Variants in TNN observed in about 807,000 individuals in gnomAD.
TNN encodes tenascin-N.
Under a neutral mutation model 134.4 loss-of-function variants are expected in TNN, and 122 were observed. That is an observed-to-expected ratio of 0.91 (90% CI 0.78 to 1.06). TNN has a LOEUF of 1.06. Ranked by LOEUF, TNN falls within the 50% of genes least tolerant of loss-of-function variation. TNN has a pLI of 0.00. For synonymous variants in TNN, 710 were observed against 670.3 expected (o/e 1.06, Z -0.91); for missense variants, 1,739 against 1,699.4 (o/e 1.02, Z -0.41).
intron 17 of TNN, among the ~76,000 whole-genome samples, chr1:175,140,543 G>A (rs569646829): frequency 6.6e-6 from 1 of 152,308 alleles, no homozygotes; most frequent in African/African-American, 2.4e-5. Flanking sequence ...ATGAACTGAT[G>A]CCAATGGGAA....
At chr1:175,078,581 C>T (rs1008844605) in intron 2 of TNN, among the ~76,000 whole-genome samples, 37 of 152,236 alleles carry the variant, frequency 2.4e-4, no homozygotes, top group African/African-American at 8.4e-4. Flanking sequence ...ATACAGAACT[C>T]GGCACCAGGG....
intron 16 of TNN, 22 bp downstream of exon 16, chr1:175,135,963 G>A (rs762299752): frequency 5.8e-6 from 9 of 1,564,218 alleles, no homozygotes; most frequent in African/African-American, 4.1e-5. Context: ...GAATCCAGGA[G>A]GCTGGGGCTG....
intron 17 of TNN, among the ~76,000 whole-genome samples, chr1:175,140,320 T>C (rs957059237): frequency 6.6e-6 from 1 of 152,208 alleles, no homozygotes; most frequent in Non-Finnish European, 1.5e-5. Context: ...GAAGTCTACA[T>C]AAGCTCCATG....
intron 12 of TNN, among the ~76,000 whole-genome samples, chr1:175,124,586 CAGG>C (rs1558368752): frequency 1.3e-5 from 2 of 152,158 alleles, no homozygotes; most frequent in Non-Finnish European, 1.5e-5. Flanking sequence ...GAGGCTGAGA[CAGG>C]AGAATTGCTT....
intron 15 of TNN, among the ~76,000 whole-genome samples, chr1:175,129,400 C>T (rs114455161): frequency 0.02 from 3,068 of 151,956 alleles, 109 homozygotes; most frequent in African/African-American, 0.07. Flanking sequence ...TTAGCACTCA[C>T]TCAAGATGGC....
In TNN at chr1:175,097,648, G is replaced by A. The variant is rs1046553174; in HGVS notation, c.1820G>A (p.Arg607Gln). The A allele has an allele frequency of 6.2e-6, 10 of 1,614,148 alleles. No individual in the cohort carries two copies. The highest frequency in any genetic ancestry group is 4.5e-5 in the East Asian group (2 of 44,890). The change falls in exon 8 of 19, where the codon CGA becomes CAA. Residue 607 changes from arginine (R) to glutamine (Q), a missense_variant. Arg to Gln is a conservative substitution (Grantham distance 43). Coordinates refer to ENST00000239462, the MANE Select transcript of TNN (RefSeq NM_022093.2). The part of the protein sequence containing the change: ...TVHVWAQKGD[R>Q]ESKKADTNAP... ...CATGTCTGGGCCCAGAAGGGGGACC[G>A]AGAGAGCAAGAAGGCTGACACCAAC...
Position 175,079,521 on chromosome 1 carries a change from C to G in TNN, c.598C>G (p.Pro200Ala), listed in dbSNP as rs765430450. The change falls in exon 3 of 19, where the codon CCG becomes GCG. Residue 200 changes from proline to alanine, a missense_variant. Coordinates refer to ENST00000239462, the MANE Select transcript of TNN (RefSeq NM_022093.2). ...CTACGTGGGTGCCGACTGCGGCTAC[C>G]CGGCCTGCCCTGAGAACTGCAGCGG... is the stretch of plus-strand genomic sequence containing the variant. Reference protein sequence around the residue: ...EPYVGADCGYPACPENCSGHG... With the variant: ...EPYVGADCGYAACPENCSGHG... 6.4e-7 allele frequency: 1 copy of G among 1,562,974 alleles called. No homozygotes were observed. Among genetic ancestry groups the G allele is most frequent in the Non-Finnish European group, 8.7e-7 (1 of 1,154,952 alleles).
intron 1 of TNN, 25 bp from the exon 2 acceptor site, chr1:175,077,359 T>C: frequency 1.3e-6 from 2 of 1,526,412 alleles, no homozygotes; most frequent in South Asian, 1.3e-5. Context: ...TCCGTGGCTT[T>C]CTTTTGCAAT....
Position 175,102,477 on chromosome 1 carries a change from C to T in TNN, c.2119+3882C>T, listed in dbSNP as rs756183106. On this transcript the variant is annotated intron_variant, in intron 9 of 18. Transcript: ENST00000239462. ...AGGCAGCTAAGGCTCGGCGAGAAAT[C>T]GAGCGCAGTGCCGGTGGGCTGGCAC... Among the ~76,000 whole-genome samples, 6 of 145,954 alleles carry T rather than the reference C, an allele frequency of 4.1e-5. 3 individuals carry two copies. In the East Asian group the frequency reaches 9.3e-4, roughly 23 times the overall value.
chr1:175,125,773 CTTTCTCTCTTCT>C (rs1675507156), intron 12 of TNN, among the ~76,000 whole-genome samples: 1 of 143,562 alleles, frequency 7.0e-6, no homozygotes, highest in Admixed American at 7.2e-5. Context: ...CTCTCCCTCC[CTTTCTCTCTTCT>C]TTTCTCTCTC....
chr1:175,145,838 A>G (rs1676053448), intron 18 of TNN, among the ~76,000 whole-genome samples: 1 of 151,880 alleles, frequency 6.6e-6, no homozygotes, highest in African/African-American at 2.4e-5. Flanking sequence ...GGCACTTCCC[A>G]CCTGCTCCCT....
chr1:175,134,904 C>A (rs751301249), intron 15 of TNN, among the ~76,000 whole-genome samples: 11 of 152,324 alleles, frequency 7.2e-5, no homozygotes, highest in Admixed American at 2.6e-4. Flanking sequence ...GATTGGATCT[C>A]ATTTCCTGCT....
intron 15 of TNN, among the ~76,000 whole-genome samples, chr1:175,130,507 C>G (rs929382871): frequency 6.6e-6 from 1 of 152,200 alleles, no homozygotes; most frequent in Non-Finnish European, 1.5e-5. Flanking sequence ...CATTCTGTCC[C>G]TTCAGGCCTG....
rs1417718823 is a variant in TNN, at chr1:175,079,576, A to C, written c.653A>C (p.Gln218Pro). Reference protein sequence around the residue: ...GHGECVRGVCQCHEDFMSEDC... With the variant: ...GHGECVRGVCPCHEDFMSEDC... ...GGCGAGTGCGTGCGCGGCGTGTGCC[A>C]GTGCCACGAAGACTTCATGTCGGAG... The change falls in exon 3 of 19, where the codon CAG (glutamine) becomes CCG (proline). Residue 218 changes from glutamine (Q) to proline (P), a missense_variant. By Grantham distance (76) the Gln-to-Pro change is moderately conservative. Transcript: ENST00000239462. 5 of 1,586,744 alleles carry C rather than the reference A, an allele frequency of 3.2e-6. No homozygotes were observed. Among genetic ancestry groups the C allele is most frequent in the Non-Finnish European group, 4.3e-6 (5 of 1,168,038 alleles).
intron 6 of TNN, among the ~76,000 whole-genome samples, chr1:175,091,129 G>A (rs1179450072): frequency 6.6e-6 from 1 of 152,266 alleles, no homozygotes; most frequent in Non-Finnish European, 1.5e-5. Flanking sequence ...GCCTATCATG[G>A]AGGTCCCATC....
At chr1:175,104,931 C>A (rs1469063579) in intron 9 of TNN, among the ~76,000 whole-genome samples, 1 of 145,726 alleles carries the variant, frequency 6.9e-6, no homozygotes, top group Non-Finnish European at 1.5e-5. Flanking sequence ...CTCCTTAGTC[C>A]TTCCAGAACA....
chr1:175,133,181 T>G (rs1394490640), intron 15 of TNN, among the ~76,000 whole-genome samples: 2 of 152,236 alleles, frequency 1.3e-5, no homozygotes, highest in African/African-American at 4.8e-5. Flanking sequence ...ATTCCAATAG[T>G]GTATACAGGT....
chr1:175,091,581 T>TTATG (rs1233271015), intron 6 of TNN, among the ~76,000 whole-genome samples: 1 of 149,634 alleles, frequency 6.7e-6, no homozygotes, highest in Admixed American at 6.7e-5. Flanking sequence ...ATTTATTTAT[T>TTATG]TATTTATTTA....
At chr1:175,144,082 G>A (rs567830894) in intron 17 of TNN, among the ~76,000 whole-genome samples, 5 of 152,162 alleles carry the variant, frequency 3.3e-5, no homozygotes, top group Non-Finnish European at 7.4e-5. Flanking sequence ...GTGTGGTGTG[G>A]TCAGGGACTT....
Sources: gnomAD v4.1 joint callset for allele counts (sites outside exome capture counted in the v4.1 genomes callset) on GRCh38, gnomAD v4.1.1 for gene constraint, MANE v1.5 for transcripts, NCBI Gene and HGNC (gene_info 2026-07-23, HGNC 2026-07-21) for gene names.